DPAGT1: variants seen among roughly 807,000 people sequenced by gnomAD.
DPAGT1 encodes the protein UDP-N-acetylglucosamine--dolichyl-phosphate N-acetylglucosaminephosphotransferase.
DPAGT1 carries 25 observed loss-of-function variants against 39.3 expected under a neutral mutation model. That is an observed-to-expected ratio of 0.64 (90% CI 0.46 to 0.89). DPAGT1 has a LOEUF of 0.89. Among genes scored for constraint, DPAGT1 ranks in the 40% least tolerant of loss-of-function variants. The probability of loss-of-function intolerance (pLI) is 0.00; values close to 1 mark genes in which losing one functional copy is unlikely to be tolerated. For missense variants in DPAGT1, 381 were observed against 500.6 expected, an observed-to-expected ratio of 0.76 and a Z score of 2.28; for synonymous variants, 193 against 201.4, an observed-to-expected ratio of 0.96 and a Z score of 0.36.
chr11:119,101,206 G>A, intron 1 of DPAGT1, 68 bp from the exon 2 acceptor site: 1 of 1,607,502 alleles, frequency 6.2e-7, no homozygotes, highest in Non-Finnish European at 8.5e-7. Context: ...TAGTGCAGGT[G>A]TTACAGTAAC....
At chr11:119,095,233 T>C (rs1946370829), downstream of DPAGT1, 1 of 1,613,840 alleles carries the variant, frequency 6.2e-7, no homozygotes, top group Non-Finnish European at 8.5e-7. Context: ...ACTCCAGCAC[T>C]GCCGCCAGGT....
chr11:119,101,361 C>A, intron 1 of DPAGT1, 134 bp downstream of exon 1: 1 of 1,548,682 alleles, frequency 6.5e-7, no homozygotes, highest in South Asian at 1.1e-5. Context: ...CTGCTCATCA[C>A]CTCTCCGAGT....
chr11:119,098,584 A>G, intron 4 of DPAGT1, 97 bp from the exon 5 acceptor site: 1 of 1,225,948 alleles, frequency 8.2e-7, no homozygotes, highest in South Asian at 1.2e-5. Flanking sequence ...AGCTGTTATC[A>G]TCCACCTCAC....
intron 5 of DPAGT1, 41 bp downstream of exon 5, chr11:119,098,362 T>G: frequency 6.3e-7 from 1 of 1,592,868 alleles, no homozygotes. Context: ...ATCTTTGCCA[T>G]GTGTTCAGGT....
chr11:119,095,324 A>G, downstream of DPAGT1: 1 of 1,605,234 alleles, frequency 6.2e-7, no homozygotes, highest in Non-Finnish European at 8.5e-7. Context: ...TGGGAACTGG[A>G]GGCCGGCGCG....
In DPAGT1 at chr11:119,100,856, C is replaced by T. The variant is rs758946922; in HGVS notation, c.283-13G>A. ...TCAGGGCCACAAACTGGGGGAGGCT[C>T]GGGCAGGTCCATGACTCAAGCCTGC... On this transcript the variant is annotated splice_polypyrimidine_tract_variant and intron_variant, in intron 2 of 8. Transcript: ENST00000354202. The T allele has an allele frequency of 1.2e-6, 2 of 1,614,090 alleles. No homozygotes were observed. Among genetic ancestry groups the T allele is most frequent in the African/African-American group, 1.3e-5 (1 of 74,998 alleles).
At position 119,101,603 on chromosome 11, in the gene DPAGT1, G is replaced by T; in HGVS notation, c.53C>A (p.Ser18Ter). Residue 18 changes from serine (S) to a stop codon, truncating the protein, a stop_gained, in exon 1 of 9, where the codon TCG becomes TAG. Coordinates refer to ENST00000354202, the MANE Select transcript of DPAGT1 (RefSeq NM_001382.4). LOFTEE classifies it high-confidence loss of function. The stretch of plus-strand genomic sequence containing the variant: ...GACTGTGGCCACAAATCCCAGCAGC[G>T]AGACGATCAAATTGATCAGCAGCGG... ...PMPLLINLIV[S>*]LLGFVATVTL... The T allele has an allele frequency of 6.2e-7, 1 of 1,614,266 alleles. No individual in the cohort carries two copies. Among genetic ancestry groups the T allele is most frequent in the Non-Finnish European group, 8.5e-7 (1 of 1,180,044 alleles).
Position 119,098,504 on chromosome 11 carries a change from G to T in DPAGT1, c.644-17C>A. 6.2e-7 allele frequency: 1 copy of T among 1,613,278 alleles called. No homozygotes were observed. Among genetic ancestry groups the T allele is most frequent in the Non-Finnish European group, 8.5e-7 (1 of 1,179,248 alleles). On this transcript the variant is annotated splice_polypyrimidine_tract_variant and intron_variant, in intron 4 of 8. Transcript: ENST00000354202. ...GACAATCACCTTTGGAAGCAAGGAA[G>T]AAAGAAGGAAAAGTTAATACCCACT...
chr11:119,100,153 C>T, intron 4 of DPAGT1, 109 bp downstream of exon 4: 1 of 1,534,910 alleles, frequency 6.5e-7, no homozygotes, highest in Non-Finnish European at 9.0e-7. Context: ...CCCTTATCTT[C>T]TATAATTACT....
In DPAGT1 at chr11:119,097,217, G is replaced by T. The variant is rs1188779017; in HGVS notation, c.1086C>A (p.Thr362=). 6.2e-7 allele frequency: 1 copy of T among 1,614,146 alleles called. No homozygotes were observed. The highest frequency in any genetic ancestry group is 1.1e-5 in the South Asian group (1 of 91,082). The change falls in exon 8 of 9, where the codon ACC becomes ACA. Residue 362 remains threonine, a synonymous_variant. Transcript: ENST00000354202. This position sits in a 1 kb window ranked among gnomAD's most constrained non-coding sequence, Gnocchi z 4.6. ...GGACTTTAAGTAGCAAGTTGATGAG[G>T]GTCATGTTGTTACATTCAGTGAATT... ...DGEFTECNNM[T]LINLLLKVLG...
Position 119,100,428 on chromosome 11 carries a change from G to C in DPAGT1, c.497-20C>G. On this transcript the variant is annotated intron_variant, in intron 3 of 8. Coordinates refer to ENST00000354202, the MANE Select transcript of DPAGT1 (RefSeq NM_001382.4). ...GGATTCCTGCGGGGAGAGATGGTAGGAAAAGAAGTAGTGCCACCTAGGGGA... is the reference window on the plus strand; with the variant it reads ...GGATTCCTGCGGGGAGAGATGGTAGCAAAAGAAGTAGTGCCACCTAGGGGA... The C allele has an allele frequency of 6.2e-7, 1 of 1,614,166 alleles. No homozygotes were observed. Among genetic ancestry groups the C allele is most frequent in the Non-Finnish European group, 8.5e-7 (1 of 1,180,046 alleles).
downstream of DPAGT1, chr11:119,094,948 G>A (rs201924752): frequency 4.4e-6 from 7 of 1,584,978 alleles, no homozygotes; most frequent in Admixed American, 5.7e-5. Context: ...GCGGCCGGCC[G>A]CGGCGCGGGC....
intron 4 of DPAGT1, among the ~76,000 whole-genome samples, chr11:119,099,459 G>A (rs773789636): frequency 1.6e-4 from 24 of 150,756 alleles, no homozygotes; most frequent in Non-Finnish European, 2.5e-4. Flanking sequence ...AAGAAAGCAA[G>A]AGTAATTCTA....
chr11:119,101,560 G>A lies in DPAGT1; in HGVS notation c.96C>T (p.Phe32=), dbSNP rs779048359. 6.8e-6 allele frequency: 11 copies of A among 1,614,142 alleles called. No individual in the cohort carries two copies. In the East Asian group the frequency reaches 2.2e-4, roughly 33 times the overall value. Residue 32 remains phenylalanine (F), a synonymous_variant, in exon 1 of 9, where the codon TTC becomes TTT. Transcript: ENST00000354202. ...GGCGCGCAGCAATGAAGTGGCCCCG[G>A]AAGGCCGGGATGAGGGTGACTGTGG... ...FVATVTLIPA[F]RGHFIAARLC... is the part of the protein sequence containing the mutation.
downstream of DPAGT1, chr11:119,094,631 C>T (rs1383257401): frequency 4.9e-6 from 1 of 205,310 alleles, no homozygotes; most frequent in East Asian, 1.1e-4. Flanking sequence ...GCCGGCCTCC[C>T]CCCGGCAGGC....
rs536452844 is a variant in DPAGT1 at position 119,100,248 on chromosome 11, C to A, written c.643+14G>T. 6 of 1,614,168 alleles carry A rather than the reference C, an allele frequency of 3.7e-6. No homozygotes were observed. In the East Asian group the frequency reaches 1.3e-4, roughly 36 times the overall value. On this transcript the variant is annotated intron_variant, in intron 4 of 8. Transcript: ENST00000354202. Reference sequence around the variant, plus strand: ...CACTCAGACTTCTCTCTCCCCACCCCCAATCCCACCTACCTTCCAACTCTA... The same window carrying A: ...CACTCAGACTTCTCTCTCCCCACCCACAATCCCACCTACCTTCCAACTCTA...
chr11:119,097,933 A>G lies in DPAGT1; in HGVS notation c.839T>C (p.Met280Thr), dbSNP rs1946426746. Residue 280 changes from methionine to threonine, a missense_variant, in exon 6 of 9, where the codon ATG becomes ACG. By Grantham distance (81) the Met-to-Thr change is moderately conservative (BLOSUM62 -1). Coordinates refer to ENST00000354202, the MANE Select transcript of DPAGT1 (RefSeq NM_001382.4). The surrounding 1 kb of genome is among the most constrained non-coding windows in gnomAD (Gnocchi z 4.6). ...GTAGAGGAAGTTGAACACCTGGGGC[A>G]TGAAGAATAGTAGCATGGTCTTGCT... is the stretch of plus-strand genomic sequence containing the variant. The part of the protein sequence containing the change: ...HFSKTMLLFF[M>T]PQVFNFLYSL... The G allele has an allele frequency of 6.2e-7, 1 of 1,614,238 alleles. No homozygotes were observed. The highest frequency in any genetic ancestry group is 8.5e-7 in the Non-Finnish European group (1 of 1,180,044).
At chr11:119,101,319 C>T (rs1382364464) in intron 1 of DPAGT1, 176 bp downstream of exon 1, 5 of 1,400,324 alleles carry the variant, frequency 3.6e-6, no homozygotes, top group East Asian at 4.6e-5. Context: ...CCCAAGGGTC[C>T]CTACCCATCC....
At chr11:119,095,446 C>G (rs548245541), downstream of DPAGT1, 1 of 1,460,620 alleles carries the variant, frequency 6.8e-7, no homozygotes, top group Non-Finnish European at 9.0e-7. Flanking sequence ...AGAACAGACG[C>G]CCGCCGCAGT....
Sources: allele counts gnomAD v4.1 joint callset (sites outside exome capture counted in the v4.1 genomes callset), GRCh38; gene constraint gnomAD v4.1.1; non-coding constraint Gnocchi (gnomAD v3.1); transcripts MANE v1.5; gene names NCBI Gene and HGNC (gene_info 2026-07-23, HGNC 2026-07-21).